COX10: variants seen among roughly 807,000 people sequenced by gnomAD.
The protein encoded by COX10 is cytochrome c oxidase assembly factor heme A:farnesyltransferase COX10, also known as protoheme IX farnesyltransferase, mitochondrial.
A neutral mutation model predicts 37.3 loss-of-function variants in COX10; 27 were observed. The observed-to-expected ratio is 0.72, with a 90% CI of 0.53 to 1.00. The LOEUF (loss-of-function observed/expected upper bound fraction) is 1.00. Ranked by LOEUF, COX10 falls within the 50% of genes least tolerant of loss-of-function variation. The pLI is 0.00. For synonymous variants in COX10, 222 were observed against 229.1 expected (o/e 0.97, Z 0.28); for missense variants, 475 against 563.2 (o/e 0.84, Z 1.59).
chr17:14,165,174 A>G (rs1365750959), intron 5 of COX10, among the ~76,000 whole-genome samples: 1 of 152,212 alleles, frequency 6.6e-6, no homozygotes, highest in Non-Finnish European at 1.5e-5. Context: ...ATGTATCTAA[A>G]TTATTATAGT....
chr17:14,168,000 A>G (rs1597532471), intron 5 of COX10, among the ~76,000 whole-genome samples: 1 of 152,232 alleles, frequency 6.6e-6, no homozygotes, highest in East Asian at 1.9e-4. Flanking sequence ...GTCCAAGTCC[A>G]AAGTCCCATC....
At chr17:14,109,900 A>T (rs1309391984) in intron 4 of COX10, among the ~76,000 whole-genome samples, 1 of 152,178 alleles carries the variant, frequency 6.6e-6, no homozygotes, top group Non-Finnish European at 1.5e-5. Context: ...TGTTATTAAC[A>T]TAAAAGTTTG....
intron 4 of COX10, among the ~76,000 whole-genome samples, chr17:14,110,577 C>A (rs1048078748): frequency 6.6e-6 from 1 of 152,062 alleles, no homozygotes; most frequent in African/African-American, 2.4e-5. Flanking sequence ...CCACCCCCAC[C>A]TAGCAGAGGT....
rs1276902089 is a variant in COX10 at position 14,143,901 on chromosome 17, G to C, written c.625-15976G>C. 2.0e-5 allele frequency among the ~76,000 whole-genome samples: 3 copies of C among 152,130 alleles called. No individual in the cohort carries two copies. The East Asian group carries it at 5.8e-4, about 29-fold the overall frequency. On this transcript the variant is annotated intron_variant, in intron 4 of 6. Coordinates refer to ENST00000261643, the MANE Select transcript of COX10 (RefSeq NM_001303.4). ...ATGATTAAGCCAACAGGTGTCAGGAGTGCTAAAGCAAGTTGGCTTTGTGCC... is the reference window on the plus strand; with the variant it reads ...ATGATTAAGCCAACAGGTGTCAGGACTGCTAAAGCAAGTTGGCTTTGTGCC...
chr17:14,096,364 GT>G (rs56369104), intron 3 of COX10, among the ~76,000 whole-genome samples: 4,065 of 128,700 alleles, frequency 0.032, 68 homozygotes, highest in Non-Finnish European at 0.043. Context: ...ATGTAGGTGT[GT>G]TTTTTTTTTT....
At chr17:14,172,691 G>C (rs2429235) in intron 5 of COX10, among the ~76,000 whole-genome samples, 23 of 145,560 alleles carry the variant, frequency 1.6e-4, no homozygotes, top group African/African-American at 5.1e-4. Context: ...GATCCTCCCC[G>C]CTCAGCCTCC....
intron 4 of COX10, among the ~76,000 whole-genome samples, chr17:14,102,554 A>G (rs1915808413): frequency 6.6e-6 from 1 of 152,082 alleles, no homozygotes; most frequent in African/African-American, 2.4e-5. Context: ...TCCATTTCAG[A>G]TACATTTCCC....
chr17:14,078,814 A>C (rs1915215518), intron 3 of COX10, among the ~76,000 whole-genome samples: 1 of 152,156 alleles, frequency 6.6e-6, no homozygotes, highest in African/African-American at 2.4e-5. Context: ...TTAAAGGAAC[A>C]CTGTAACCTG....
chr17:14,105,730 A>G (rs1915877106), intron 4 of COX10, among the ~76,000 whole-genome samples: 1 of 152,158 alleles, frequency 6.6e-6, no homozygotes, highest in South Asian at 2.1e-4. Flanking sequence ...TATGCCGGAC[A>G]TTGTTCTGTG....
intron 5 of COX10, among the ~76,000 whole-genome samples, chr17:14,185,040 C>T (rs1905986008): frequency 6.7e-6 from 1 of 150,094 alleles, no homozygotes; most frequent in African/African-American, 2.5e-5. Flanking sequence ...CTTAGCCTTT[C>T]TTCTCCTCAT....
At chr17:14,157,988 T>C (rs893118660) in intron 4 of COX10, among the ~76,000 whole-genome samples, 1 of 152,124 alleles carries the variant, frequency 6.6e-6, no homozygotes, top group Non-Finnish European at 1.5e-5. Flanking sequence ...GTGGTTTTAT[T>C]TTAAAGGTCT....
At chr17:14,126,733 T>G (rs1916349483) in intron 4 of COX10, among the ~76,000 whole-genome samples, 1 of 152,092 alleles carries the variant, frequency 6.6e-6, no homozygotes, top group African/African-American at 2.4e-5. Context: ...GAGTATAGCA[T>G]GAGGGGGAGA....
intron 4 of COX10, among the ~76,000 whole-genome samples, chr17:14,133,443 C>T (rs1243814004): frequency 6.6e-6 from 1 of 151,394 alleles, no homozygotes; most frequent in African/African-American, 2.4e-5. Flanking sequence ...TGAAGAGTTT[C>T]TTGTTAAAAG....
At chr17:14,126,698 G>A (rs1286151107) in intron 4 of COX10, among the ~76,000 whole-genome samples, 1 of 152,140 alleles carries the variant, frequency 6.6e-6, no homozygotes, top group Non-Finnish European at 1.5e-5. Flanking sequence ...GGCAGGGGAT[G>A]TCTGCTGGGT....
intron 4 of COX10, among the ~76,000 whole-genome samples, chr17:14,102,543 A>T (rs1353524502): frequency 1.3e-5 from 2 of 152,074 alleles, no homozygotes; most frequent in Non-Finnish European, 2.9e-5. Context: ...ATCTTTGTTT[A>T]TCCATTTCAG....
At chr17:14,169,151 T>C (rs1176644130) in intron 5 of COX10, among the ~76,000 whole-genome samples, 1 of 152,194 alleles carries the variant, frequency 6.6e-6, no homozygotes, top group Admixed American at 6.5e-5. Flanking sequence ...TTCTGCCAGA[T>C]ATCCTAAATC....
chr17:14,098,742 C>A (rs1225407129), intron 3 of COX10, among the ~76,000 whole-genome samples: 2 of 152,126 alleles, frequency 1.3e-5, no homozygotes, highest in African/African-American at 4.8e-5. Flanking sequence ...CAGTAATCAC[C>A]ATGGCATTTT....
intron 4 of COX10, among the ~76,000 whole-genome samples, chr17:14,127,350 C>T (rs1916364964): frequency 6.6e-6 from 1 of 152,130 alleles, no homozygotes; most frequent in African/African-American, 2.4e-5. Context: ...TTCGAGACAG[C>T]TCAACTATAA....
chr17:14,160,089 T>C, intron 5 of COX10, 142 bp downstream of exon 5: 1 of 770,584 alleles, frequency 1.3e-6, no homozygotes. Flanking sequence ...GGAAATGCAA[T>C]ACTTTCCACC....
Sources: allele counts gnomAD v4.1 joint callset (sites outside exome capture counted in the v4.1 genomes callset), GRCh38; gene constraint gnomAD v4.1.1; transcripts MANE v1.5; gene names NCBI Gene and HGNC (gene_info 2026-07-23, HGNC 2026-07-21).